PEX6: variants seen among roughly 807,000 people sequenced by gnomAD.
PEX6 encodes the protein peroxisomal biogenesis factor 6, also known as peroxisome biogenesis factor 6.
PEX6 carries 55 observed loss-of-function variants against 85.6 expected under a neutral mutation model. The ratio of observed to expected loss-of-function variants is 0.64; its 90% CI spans 0.52 to 0.80. The LOEUF is 0.80. Ranked by LOEUF, PEX6 falls within the 30% of genes least tolerant of loss-of-function variation. The pLI is 0.00. For missense variants in PEX6, 1,099 were observed against 1,260.3 expected (o/e 0.87, Z 1.94); for synonymous variants, 519 against 549.1 (o/e 0.95, Z 0.77).
chr6:42,979,102 G>T lies in PEX6; in HGVS notation c.49C>A (p.Pro17Thr), dbSNP rs918969564. ...GGTGGCAGCAGCACTGCCAACGGGG[G>T]TGTCTCGGTCGGAAAGGGCTCCAGG... ...RVLEPFPTET[P>T]PLAVLLPPGG... The change falls in exon 1 of 17, where the codon CCC (proline) becomes ACC (threonine). Residue 17 changes from proline (P) to threonine (T), a missense_variant. Physicochemically the swap from Pro to Thr is conservative, Grantham distance 38 (BLOSUM62 -1). Coordinates refer to ENST00000304611, the MANE Select transcript of PEX6 (RefSeq NM_000287.4). The T allele has an allele frequency of 2.6e-6, 4 of 1,561,494 alleles. No homozygotes were observed. Among genetic ancestry groups the T allele is most frequent in the Non-Finnish European group, 3.4e-6 (4 of 1,162,342 alleles).
chr6:42,969,048 C>T (rs765297175), intron 5 of PEX6, 63 bp from the exon 6 acceptor site: 2 of 1,077,950 alleles, frequency 1.9e-6, no homozygotes, highest in Non-Finnish European at 2.9e-6. Context: ...TCCCCAGTAA[C>T]ACAAGATCCC....
chr6:42,966,960 G>GT, intron 8 of PEX6, 102 bp from the exon 9 acceptor site: 10 of 706,052 alleles, frequency 1.4e-5, no homozygotes, highest in East Asian at 5.8e-5. Flanking sequence ...GATGCCTTAG[G>GT]TTTGTTGTTT....
At chr6:42,974,442 G>GTTTTTGTTTTTTT (rs1561827292) in intron 2 of PEX6, among the ~76,000 whole-genome samples, 4 of 115,948 alleles carry the variant, frequency 3.4e-5, no homozygotes, top group African/African-American at 6.9e-5. Context: ...TGTCTGAAAT[G>GTTTTTGTTTTTTT]TTTTTTTTGT....
chr6:42,973,202 G>A (rs1245734591), intron 3 of PEX6, among the ~76,000 whole-genome samples: 1 of 151,776 alleles, frequency 6.6e-6, no homozygotes, highest in East Asian at 2.0e-4. Context: ...AGTAGAGACA[G>A]GGTTTCACCA....
Position 42,963,898 on chromosome 6 carries a change from T to C in PEX6, c.*437A>G, listed in dbSNP as rs1006987072. 4.6e-5 allele frequency: 27 copies of C among 584,152 alleles called. No individual in the cohort carries two copies. Among genetic ancestry groups the C allele is most frequent in the Non-Finnish European group, 6.2e-6 (2 of 323,978 alleles). The allele number at this position is 584,152 out of a possible 1,614,324, so 36.2% of individuals were successfully genotyped here. A position where few individuals can be genotyped will look rare whatever the true frequency, so the allele number is the denominator to read the frequency against. ...TTCCTGCATGCATTGTGTTTATTTA[T>C]GTCAGAAGGATCAGGCTCCCATGCT... is the stretch of plus-strand genomic sequence containing the variant. On this transcript the variant is annotated 3_prime_UTR_variant, in exon 17 of 17. Coordinates refer to ENST00000304611, the MANE Select transcript of PEX6 (RefSeq NM_000287.4).
At position 42,978,447 on chromosome 6, in the gene PEX6, G is replaced by A. The variant is rs1770404165; in HGVS notation, c.704C>T (p.Ser235Leu). Residue 235 changes from serine (S) to leucine (L), a missense_variant, in exon 1 of 17, where the codon TCA becomes TTA. By Grantham distance (145) the Ser-to-Leu change is moderately radical. Around this residue, in one of 3 missense-constraint regions of PEX6, gnomAD observed 579 missense variants for 611.6 expected, o/e 0.95. Coordinates refer to ENST00000304611, the MANE Select transcript of PEX6 (RefSeq NM_000287.4). ...CTGCACCCTAGCCAAGTGCGGCTGT[G>A]AAGTGTTCGATGACTCTCTGGCCTG... ...VAQARESSNT[S>L]QPHLARVQVL... 6.2e-7 allele frequency: 1 copy of A among 1,614,044 alleles called. No individual in the cohort carries two copies. The highest frequency in any genetic ancestry group is 1.7e-5 in the Admixed American group (1 of 60,002).
chr6:42,969,504 A>G (rs185751372), intron 5 of PEX6, among the ~76,000 whole-genome samples, 164 bp downstream of exon 5: 1 of 152,338 alleles, frequency 6.6e-6, no homozygotes, highest in Admixed American at 6.5e-5. Context: ...ATTGGCTTAC[A>G]GAAAGGAGTG....
In PEX6 at chr6:42,963,868, T is replaced by G; in HGVS notation, c.*467A>C. 1 of 697,346 alleles carries G rather than the reference T, an allele frequency of 1.4e-6. No homozygotes were observed. The highest frequency in any genetic ancestry group is 2.5e-6 in the Non-Finnish European group (1 of 399,180). 43.2% of individuals were successfully genotyped at this position (697,346 alleles called of 1,614,324 possible). On this transcript the variant is annotated 3_prime_UTR_variant, in exon 17 of 17. Coordinates refer to ENST00000304611, the MANE Select transcript of PEX6 (RefSeq NM_000287.4). ...CGGAAGGGTAAACAATATAGTCTTT[T>G]TCAGTTCCTGCATGCATTGTGTTTA...
At chr6:42,973,173 G>A (rs893754936) in intron 3 of PEX6, among the ~76,000 whole-genome samples, 3 of 151,768 alleles carry the variant, frequency 2.0e-5, no homozygotes, top group South Asian at 2.1e-4. Context: ...CATCACACCC[G>A]GCTAATTTTT....
At chr6:42,975,116 G>T in intron 1 of PEX6, 78 bp from the exon 2 acceptor site, 1 of 1,203,980 alleles carries the variant, frequency 8.3e-7, no homozygotes. Context: ...CAGCCAACAT[G>T]TCTATTTCCA....
chr6:42,968,184 A>G (rs1436827802), intron 7 of PEX6, 106 bp downstream of exon 7: 1 of 897,318 alleles, frequency 1.1e-6, no homozygotes, highest in Admixed American at 1.8e-5. Context: ...TGATCAAGGC[A>G]GGTGATCCAC....
At position 42,977,251 on chromosome 6, in the gene PEX6, C is replaced by CCTTTTTTTTTTTTTTTTTTTTTTT. The variant is rs34536442; in HGVS notation, c.882+1017_882+1018insAAAAAAAAAAAAAAAAAAAAAAAG. Among the ~76,000 whole-genome samples, 9 of 126,678 alleles carry CCTTTTTTTTTTTTTTTTTTTTTTT rather than the reference C, an allele frequency of 7.1e-5. 4 individuals carry two copies. The highest frequency in any genetic ancestry group is 4.7e-4 in the South Asian group (2 of 4,256). 83.1% of individuals were successfully genotyped at this position (126,678 alleles called of 152,430 possible). On this transcript the variant is annotated intron_variant, in intron 1 of 16. Transcript: ENST00000304611. ...ATTAACATACACATCTGAAACCTCA[C>CCTTTTTTTTTTTTTTTTTTTTTTT]TTTTTTTTTTTTTTTTTTTTACACA...
At chr6:42,974,463 T>TG (rs1462439217) in intron 2 of PEX6, among the ~76,000 whole-genome samples, 23 of 137,584 alleles carry the variant, frequency 1.7e-4, no homozygotes, top group Non-Finnish European at 2.8e-4. Flanking sequence ...TTTTTTTTTT[T>TG]TTTTTTTTTT....
chr6:42,978,720 G>C lies in PEX6; in HGVS notation c.431C>G (p.Ala144Gly). Reference sequence around the variant, plus strand: ...CCCTGGGCCCAGCAGCCCTTGCAACGCCGGCCGCGTCTCCAGCACCCGCGG... The same window carrying C: ...CCCTGGGCCCAGCAGCCCTTGCAACCCCGGCCGCGTCTCCAGCACCCGCGG... ...PGPRVLETRP[A>G]LQGLLGPGTR... The change falls in exon 1 of 17, where the codon GCG becomes GGG. Residue 144 changes from alanine to glycine, a missense_variant. By Grantham distance (60) the Ala-to-Gly change is moderately conservative. Coordinates refer to ENST00000304611, the MANE Select transcript of PEX6 (RefSeq NM_000287.4). 5 of 1,540,342 alleles carry C rather than the reference G, an allele frequency of 3.2e-6. No individual in the cohort carries two copies. Among genetic ancestry groups the C allele is most frequent in the Non-Finnish European group, 4.4e-6 (5 of 1,149,258 alleles).
chr6:42,968,229 T>G, intron 7 of PEX6, 61 bp downstream of exon 7: 1 of 1,411,282 alleles, frequency 7.1e-7, no homozygotes, highest in Admixed American at 1.7e-5. Context: ...GGATTATAAG[T>G]GTGAGCCACC....
Position 42,978,281 on chromosome 6 carries a change from C to T in PEX6, c.870G>A (p.Glu290=). The T allele has an allele frequency of 6.2e-7, 1 of 1,614,210 alleles. No homozygotes were observed. Among genetic ancestry groups the T allele is most frequent in the Non-Finnish European group, 8.5e-7 (1 of 1,180,028 alleles). The change falls in exon 1 of 17, where the codon GAG becomes GAA. Residue 290 remains glutamate (E), a synonymous_variant. Coordinates refer to ENST00000304611, the MANE Select transcript of PEX6 (RefSeq NM_000287.4). ...NLGCDPLEMG[E]LRIQRYLEGS... is the part of the protein sequence containing the mutation. ...TCCTTTATCCTACCTGAATTCTGAG[C>T]TCTCCCATTTCCAGGGGGTCACAGC...
At chr6:42,975,447 T>C (rs1049671965) in intron 1 of PEX6, among the ~76,000 whole-genome samples, 3 of 152,190 alleles carry the variant, frequency 2.0e-5, no homozygotes, top group African/African-American at 7.2e-5. Flanking sequence ...CAGTCATTGG[T>C]TGGTTCAATG....
chr6:42,973,137 G>C (rs1157575539), intron 3 of PEX6, among the ~76,000 whole-genome samples: 1 of 152,030 alleles, frequency 6.6e-6, no homozygotes, highest in Non-Finnish European at 1.5e-5. Flanking sequence ...TCAGCCTCCT[G>C]AGTAGCTGGG....
Position 42,965,621 on chromosome 6 carries a change from G to T in PEX6, c.2471+60C>A. Reference sequence around the variant, plus strand: ...CTCTGGACTCTGAAGACTGCTGTGAGCTTTCTCATATCCTTCCCACCCTGG... The same window carrying T: ...CTCTGGACTCTGAAGACTGCTGTGATCTTTCTCATATCCTTCCCACCCTGG... On this transcript the variant is annotated intron_variant, in intron 13 of 16. Coordinates refer to ENST00000304611, the MANE Select transcript of PEX6 (RefSeq NM_000287.4). The surrounding 1 kb of genome is among the most constrained non-coding windows in gnomAD (Gnocchi z 5.0). The T allele has an allele frequency of 8.4e-7, 1 of 1,193,928 alleles. No homozygotes were observed. Among genetic ancestry groups the T allele is most frequent in the South Asian group, 1.2e-5 (1 of 82,426 alleles). 74.0% of individuals were successfully genotyped at this position (1,193,928 alleles called of 1,614,324 possible). A position where few individuals can be genotyped will look rare whatever the true frequency, so the allele number is the denominator to read the frequency against.
Sources: gnomAD v4.1 joint callset for allele counts (sites outside exome capture counted in the v4.1 genomes callset) on GRCh38, gnomAD v4.1.1 for gene constraint, gnomAD v4.1.1 regional missense constraint, Gnocchi (gnomAD v3.1) non-coding constraint, MANE v1.5 for transcripts, NCBI Gene and HGNC (gene_info 2026-07-23, HGNC 2026-07-21) for gene names.